CDKL2: variants seen among roughly 807,000 people sequenced by gnomAD.
CDKL2 encodes cyclin dependent kinase like 2, also known as cyclin-dependent kinase-like 2.
In CDKL2, 64 loss-of-function variants were observed where a neutral mutation model predicts 63.9. That is an observed-to-expected ratio of 1.00 (90% CI 0.82 to 1.23). The LOEUF (loss-of-function observed/expected upper bound fraction) is 1.23. CDKL2 is among the 50% of genes most tolerant of loss of function. CDKL2 has a pLI of 0.00. For missense variants in CDKL2, 656 were observed against 668.0 expected, an observed-to-expected ratio of 0.98 and a Z score of 0.20; for synonymous variants, 211 against 229.2, an observed-to-expected ratio of 0.92 and a Z score of 0.72.
chr4:75,598,341 C>A, intron 7 of CDKL2, 129 bp from the exon 8 acceptor site: 1 of 497,468 alleles, frequency 2.0e-6, no homozygotes, highest in Non-Finnish European at 3.3e-6. Flanking sequence ...TGAGAAAAAT[C>A]CTGGCCTAGA....
intron 4 of CDKL2, among the ~76,000 whole-genome samples, chr4:75,606,548 G>C (rs902094420): frequency 2.6e-5 from 4 of 152,150 alleles, no homozygotes; most frequent in African/African-American, 9.7e-5. Flanking sequence ...TTAAAAATCA[G>C]TTACAAGAAC....
In CDKL2 at chr4:75,610,345, T is replaced by C. The variant is rs1729636461; in HGVS notation, c.364-2984A>G. Among the ~76,000 whole-genome samples, 7 of 152,162 alleles carry C rather than the reference T, an allele frequency of 4.6e-5. No individual in the cohort carries two copies. In the South Asian group the frequency reaches 1.5e-3, roughly 32 times the overall value. The stretch of plus-strand genomic sequence containing the variant: ...CGGCCCACAAATGAGAGGGCTAAAG[T>C]GCATGATCACCATGTTTCTTCCCAA... On this transcript the variant is annotated intron_variant, in intron 3 of 13. Coordinates refer to ENST00000307465, the MANE Select transcript of CDKL2 (RefSeq NM_001330724.2).
At chr4:75,593,800 G>A (rs1012716403) in intron 10 of CDKL2, among the ~76,000 whole-genome samples, 6 of 152,208 alleles carry the variant, frequency 3.9e-5, no homozygotes, top group Middle Eastern at 3.4e-3. Context: ...AATCATGAGA[G>A]AGATGAAAAG....
intron 7 of CDKL2, among the ~76,000 whole-genome samples, chr4:75,600,026 G>A (rs1729111897): frequency 6.6e-6 from 1 of 152,178 alleles, no homozygotes; most frequent in Non-Finnish European, 1.5e-5. Flanking sequence ...CTGACTGGTA[G>A]ACGTCACCAC....
chr4:75,599,185 A>G (rs150497042), intron 7 of CDKL2, among the ~76,000 whole-genome samples: 65 of 152,340 alleles, frequency 4.3e-4, no homozygotes, highest in Non-Finnish European at 7.6e-4. Context: ...AAAAGGCAAG[A>G]CAGACAAATG....
intron 3 of CDKL2, among the ~76,000 whole-genome samples, chr4:75,610,826 T>C (rs1315903759): frequency 1.3e-5 from 2 of 152,196 alleles, no homozygotes; most frequent in Non-Finnish European, 2.9e-5. Context: ...TATGTGTTTA[T>C]ATATATGTAT....
intron 2 of CDKL2, among the ~76,000 whole-genome samples, chr4:75,620,000 C>T (rs1243574779): frequency 6.6e-6 from 1 of 152,084 alleles, no homozygotes; most frequent in Non-Finnish European, 1.5e-5. Flanking sequence ...GTCTGGGCAA[C>T]ATTCTGAGAC....
chr4:75,577,702 GT>G lies in CDKL2; in HGVS notation c.*1499del, dbSNP rs751659839. On this transcript the variant is annotated 3_prime_UTR_variant, in exon 14 of 14. Transcript: ENST00000307465. ...GCAGCCTATTAATGCTGATACCCTA[GT>G]TTTTTCAGCATGTTATCCATACTAA... Among the ~76,000 whole-genome samples the G allele has an allele frequency of 1.3e-5, 2 of 152,142 alleles. No individual in the cohort carries two copies. The highest frequency in any genetic ancestry group is 4.1e-4 in the South Asian group (2 of 4,822).
chr4:75,580,694 CTT>C (rs368796538), intron 13 of CDKL2, among the ~76,000 whole-genome samples: 32 of 129,684 alleles, frequency 2.5e-4, no homozygotes, highest in East Asian at 7.4e-4. Context: ...TTTGTTTTGG[CTT>C]TTTTTTTTTT....
intron 7 of CDKL2, among the ~76,000 whole-genome samples, chr4:75,598,591 T>A (rs74735500): frequency 0.24 from 34,421 of 145,302 alleles, 4,317 homozygotes; most frequent in Middle Eastern, 0.36. Flanking sequence ...CTTTTTTTTT[T>A]TAAAAAAAAA....
At chr4:75,619,577 T>TAAAAAAAAAAAAAAAAAAAAAAAAAAA (rs71203836) in intron 2 of CDKL2, among the ~76,000 whole-genome samples, 1 of 78,146 alleles carries the variant, frequency 1.3e-5, no homozygotes, top group Admixed American at 1.8e-4. Flanking sequence ...CACAGCTGTA[T>TAAAAAAAAAAAAAAAAAAAAAAAAAAA]AAAAAAAAAA....
At chr4:75,595,732 C>G (rs1728886240) in intron 10 of CDKL2, among the ~76,000 whole-genome samples, 1 of 151,964 alleles carries the variant, frequency 6.6e-6, no homozygotes, top group African/African-American at 2.4e-5. Context: ...GAGTTCAAGA[C>G]CAGCCTGGCC....
In CDKL2 at chr4:75,598,175, C is replaced by T; in HGVS notation, c.922G>A (p.Ala308Thr). 6.6e-7 allele frequency: 1 copy of T among 1,525,316 alleles called. No individual in the cohort carries two copies. The highest frequency in any genetic ancestry group is 9.0e-7 in the Non-Finnish European group (1 of 1,114,410). 94.5% of individuals were successfully genotyped at this position (1,525,316 alleles called of 1,614,324 possible). A position where few individuals can be genotyped will look rare whatever the true frequency, so the allele number is the denominator to read the frequency against. The change falls in exon 8 of 14, where the codon GCC becomes ACC. Residue 308 changes from alanine to threonine, a missense_variant. By Grantham distance (58) the Ala-to-Thr change is moderately conservative. Transcript: ENST00000307465. ...TTTTTAGATAAAGAAACATTTCTGGCATCTTTCTGTACTTTTAACTGTAGT... is the reference window on the plus strand; with the variant it reads ...TTTTTAGATAAAGAAACATTTCTGGTATCTTTCTGTACTTTTAACTGTAGT... ...QELQLKVQKD[A>T]RNVSLSKKSQ...
chr4:75,595,415 A>G (rs562596259), intron 10 of CDKL2, among the ~76,000 whole-genome samples: 5 of 152,026 alleles, frequency 3.3e-5, no homozygotes, highest in African/African-American at 1.2e-4. Context: ...GGATCTTGCT[A>G]TGTTGCTCAA....
chr4:75,600,974 C>T (rs759611740), intron 6 of CDKL2, among the ~76,000 whole-genome samples: 4 of 152,064 alleles, frequency 2.6e-5, no homozygotes, highest in Admixed American at 6.6e-5. Context: ...AAATACAGGA[C>T]ACAGAAGAAC....
intron 3 of CDKL2, among the ~76,000 whole-genome samples, chr4:75,609,231 G>C (rs900076474): frequency 3.3e-5 from 5 of 152,132 alleles, no homozygotes; most frequent in African/African-American, 1.2e-4. Flanking sequence ...GAAATGTAAA[G>C]AGTAAACAAA....
intron 1 of CDKL2, among the ~76,000 whole-genome samples, chr4:75,628,842 A>G (rs751599569): frequency 6.6e-6 from 1 of 152,128 alleles, no homozygotes; most frequent in South Asian, 2.1e-4. Context: ...TTGAGATTTT[A>G]TAATATATAT....
In CDKL2 at chr4:75,605,520, A is replaced by G. The variant is rs1343067948; in HGVS notation, c.655+2T>C. The G allele has an allele frequency of 6.5e-7, 1 of 1,540,312 alleles. No homozygotes were observed. Among genetic ancestry groups the G allele is most frequent in the East Asian group, 2.2e-5 (1 of 44,512 alleles). ...ATTTAAAATGCAGATGTGTAACCTT[A>G]CCTAAACACATCATAATATGATATA... On this transcript the variant is annotated splice_donor_variant, in intron 5 of 13. Coordinates refer to ENST00000307465, the MANE Select transcript of CDKL2 (RefSeq NM_001330724.2). LOFTEE classifies it high-confidence loss of function.
intron 7 of CDKL2, among the ~76,000 whole-genome samples, chr4:75,599,924 T>A (rs1034102779): frequency 1.3e-5 from 2 of 151,966 alleles, no homozygotes; most frequent in African/African-American, 2.4e-5. Flanking sequence ...GTGGTATGAG[T>A]TTGGCAGCAA....
Sources: allele counts gnomAD v4.1 joint callset (sites outside exome capture counted in the v4.1 genomes callset), GRCh38; gene constraint gnomAD v4.1.1; transcripts MANE v1.5; gene names NCBI Gene and HGNC (gene_info 2026-07-23, HGNC 2026-07-21).